The following NIBAN1 variants were observed in gnomAD, a reference collection of about 807,000 sequenced individuals.
NIBAN1 encodes protein Niban 1.
NIBAN1 carries 81 observed loss-of-function variants against 75.1 expected under a neutral mutation model. The observed-to-expected ratio is 1.08, with a 90% CI of 0.90 to 1.30. The LOEUF is 1.30. Ranked by LOEUF, NIBAN1 falls within the 50% of genes most tolerant of loss-of-function variation. The pLI is 0.00. For synonymous variants in NIBAN1, 436 were observed against 424.8 expected, an observed-to-expected ratio of 1.03 and a Z score of -0.32; for missense variants, 1,133 against 1,128.1, an observed-to-expected ratio of 1.00 and a Z score of -0.06.
intron 1 of NIBAN1, among the ~76,000 whole-genome samples, chr1:184,973,311 C>T (rs1029470285): frequency 6.6e-6 from 1 of 152,014 alleles, no homozygotes; most frequent in South Asian, 2.1e-4. Context: ...TGACTGAAAA[C>T]AAATGTGGAA....
chr1:184,871,368 A>AAAAAAAAAAAAAAAAAG (rs1553222993), intron 5 of NIBAN1, among the ~76,000 whole-genome samples: 1 of 121,794 alleles, frequency 8.2e-6, no homozygotes, highest in Non-Finnish European at 1.7e-5. Flanking sequence ...AAAAAAAAAA[A>AAAAAAAAAAAAAAAAAG]AAAAAGAGGA....
At chr1:184,962,842 T>C (rs1658686360) in intron 1 of NIBAN1, among the ~76,000 whole-genome samples, 1 of 152,170 alleles carries the variant, frequency 6.6e-6, no homozygotes, top group Admixed American at 6.5e-5. Flanking sequence ...ACCAGTAACT[T>C]ATATTAAACA....
At chr1:184,944,759 G>A (rs1658180563) in intron 1 of NIBAN1, among the ~76,000 whole-genome samples, 1 of 152,220 alleles carries the variant, frequency 6.6e-6, no homozygotes, top group Non-Finnish European at 1.5e-5. Context: ...ACTGGAAAAT[G>A]TTCCCAAAGT....
intron 1 of NIBAN1, among the ~76,000 whole-genome samples, chr1:184,913,500 T>G (rs2102008416): frequency 6.6e-6 from 1 of 152,290 alleles, no homozygotes; most frequent in African/African-American, 2.4e-5. Flanking sequence ...TGGGAAGAAT[T>G]ATTCCCAGCA....
intron 1 of NIBAN1, among the ~76,000 whole-genome samples, chr1:184,916,006 C>T (rs566077487): frequency 8.9e-4 from 136 of 152,300 alleles, no homozygotes; most frequent in African/African-American, 3.0e-3. Flanking sequence ...CAGAAGTCCA[C>T]GAACATTCCC....
intron 1 of NIBAN1, among the ~76,000 whole-genome samples, chr1:184,902,037 A>G (rs1372205482): frequency 6.6e-6 from 1 of 152,170 alleles, no homozygotes; most frequent in Non-Finnish European, 1.5e-5. Context: ...TAAGTACCCA[A>G]TGTAGGGATC....
At position 184,899,265 on chromosome 1, in the gene NIBAN1, G is replaced by C. The variant is rs566988704; in HGVS notation, c.100C>G (p.Arg34Gly). 1 of 1,613,704 alleles carries C rather than the reference G, an allele frequency of 6.2e-7. No individual in the cohort carries two copies. The highest frequency in any genetic ancestry group is 8.5e-7 in the Non-Finnish European group (1 of 1,179,834). Reference sequence around the variant, plus strand: ...TTGCAGAAAGCCACAGAGTACTGACGACTGTAGTAGGGACTGAAGTTTTTG... The same window carrying C: ...TTGCAGAAAGCCACAGAGTACTGACCACTGTAGTAGGGACTGAAGTTTTTG... ...AIKNFSPYYS[R>G]QYSVAFCNHV... The change falls in exon 2 of 14, where the codon CGT becomes GGT. Residue 34 changes from arginine to glycine, a missense_variant. Physicochemically the swap from Arg to Gly is moderately radical, Grantham distance 125. Coordinates refer to ENST00000367511, the MANE Select transcript of NIBAN1 (RefSeq NM_052966.4).
At chr1:184,970,811 C>G (rs540757533) in intron 1 of NIBAN1, among the ~76,000 whole-genome samples, 5 of 152,268 alleles carry the variant, frequency 3.3e-5, no homozygotes, top group Non-Finnish European at 1.5e-5. Flanking sequence ...CTCCACAGGA[C>G]TTCTTATGTG....
intron 1 of NIBAN1, among the ~76,000 whole-genome samples, 191 bp downstream of exon 1, chr1:184,974,111 C>T (rs1659010818): frequency 6.6e-6 from 1 of 152,118 alleles, no homozygotes; most frequent in African/African-American, 2.4e-5. Flanking sequence ...CCTCCCGGTC[C>T]CCGGTCCACA....
At chr1:184,918,158 G>C (rs528146780) in intron 1 of NIBAN1, among the ~76,000 whole-genome samples, 3 of 152,260 alleles carry the variant, frequency 2.0e-5, no homozygotes, top group Admixed American at 2.0e-4. Context: ...GCCTGCAGTA[G>C]AAACCTCAGA....
intron 1 of NIBAN1, among the ~76,000 whole-genome samples, chr1:184,966,489 A>G (rs564611260): frequency 2.6e-5 from 4 of 152,220 alleles, no homozygotes; most frequent in Non-Finnish European, 4.4e-5. Flanking sequence ...GCCTGGACCC[A>G]GTTCAGCAGA....
chr1:184,899,423 T>A (rs1370832471), intron 1 of NIBAN1, 114 bp from the exon 2 acceptor site: 2 of 1,096,664 alleles, frequency 1.8e-6, no homozygotes, highest in Non-Finnish European at 2.6e-6. Context: ...CAGTCACCCC[T>A]GTTTCTATCC....
intron 1 of NIBAN1, among the ~76,000 whole-genome samples, chr1:184,927,335 T>C (rs1340239024): frequency 1.3e-5 from 2 of 152,162 alleles, no homozygotes; most frequent in African/African-American, 2.4e-5. Flanking sequence ...GGGACTTAAG[T>C]GTTGTAGTCT....
At chr1:184,818,900 C>T in intron 8 of NIBAN1, 75 bp from the exon 9 acceptor site, 3 of 1,483,288 alleles carry the variant, frequency 2.0e-6, no homozygotes, top group East Asian at 2.3e-5. Flanking sequence ...CAGACCAGAG[C>T]TGAATGGTGC....
At chr1:184,895,823 T>C (rs1199099517) in intron 2 of NIBAN1, among the ~76,000 whole-genome samples, 2 of 152,222 alleles carry the variant, frequency 1.3e-5, no homozygotes, top group East Asian at 3.9e-4. Context: ...TTTGATTTTC[T>C]GTTTCTGAGT....
Position 184,794,898 on chromosome 1 carries a change from A to T in NIBAN1, c.*79T>A. On this transcript the variant is annotated 3_prime_UTR_variant, in exon 14 of 14. Coordinates refer to ENST00000367511, the MANE Select transcript of NIBAN1 (RefSeq NM_052966.4). ...AAATACTTAAAAATTTTTTGGTAAC[A>T]GCTTGCATGCAACCCCTAAGTGTAC... The T allele has an allele frequency of 6.3e-7, 1 of 1,589,954 alleles. No individual in the cohort carries two copies. Among genetic ancestry groups the T allele is most frequent in the Non-Finnish European group, 8.5e-7 (1 of 1,171,096 alleles).
At chr1:184,961,401 C>G (rs234094) in intron 1 of NIBAN1, among the ~76,000 whole-genome samples, 2,243 of 152,072 alleles carry the variant, frequency 0.015, 51 homozygotes, top group African/African-American at 0.051. Context: ...AAATATACTC[C>G]CCCGGTTCTT....
At chr1:184,806,791 G>A (rs1281127343) in intron 10 of NIBAN1, among the ~76,000 whole-genome samples, 20 of 136,454 alleles carry the variant, frequency 1.5e-4, no homozygotes, top group African/African-American at 5.0e-4. Flanking sequence ...TTTGAGACAC[G>A]GTTTCACTTT....
rs139834572 is a variant in NIBAN1, at chr1:184,937,035, C to T, written c.55+37267G>A. 7.9e-5 allele frequency among the ~76,000 whole-genome samples: 12 copies of T among 151,952 alleles called. No individual in the cohort carries two copies. In the East Asian group the frequency reaches 1.7e-3, roughly 22 times the overall value. On this transcript the variant is annotated intron_variant, in intron 1 of 13. Transcript: ENST00000367511. ...CTCCTATGCTCCTTTCTTCCTTATA[C>T]GGGCGCATTTCTTTATAAGAAATTA...
Sources: gnomAD v4.1 joint callset for allele counts (sites outside exome capture counted in the v4.1 genomes callset) on GRCh38, gnomAD v4.1.1 for gene constraint, MANE v1.5 for transcripts, NCBI Gene and HGNC (gene_info 2026-07-23, HGNC 2026-07-21) for gene names.